The following PHF8 variants were observed in gnomAD, a reference collection of about 807,000 sequenced individuals.
PHF8 encodes histone lysine demethylase PHF8.
Under a neutral mutation model 74.4 loss-of-function variants are expected in PHF8, and 9 were observed. That is an observed-to-expected ratio of 0.12 (90% confidence interval 0.07 to 0.21). The LOEUF is 0.21. Among genes scored for constraint, PHF8 ranks in the 10% least tolerant of loss-of-function variants. The pLI is 1.00. For missense variants in PHF8, 478 were observed against 816.6 expected, an observed-to-expected ratio of 0.59 and a Z score of 5.05; for synonymous variants, 311 against 316.6, an observed-to-expected ratio of 0.98 and a Z score of 0.19.
At chrX:54,047,506 A>T (rs1557117644), upstream of PHF8, among the ~76,000 whole-genome samples, 1 of 111,987 alleles carries the variant, frequency 8.9e-6, no homozygotes. Flanking sequence ...TACCCCAGAT[A>T]AGGCCCTGGC....
chrX:53,985,285 G>A (rs953322321), intron 17 of PHF8, 58 bp from the exon 18 acceptor site: 21 of 960,883 alleles, frequency 2.2e-5, no homozygotes, highest in South Asian at 6.3e-5. Context: ...AGAGTAAATC[G>A]GTCATCAGAA....
intron 8 of PHF8, among the ~76,000 whole-genome samples, chrX:54,006,027 GT>G (rs1254635308): frequency 2.7e-5 from 3 of 112,259 alleles, no homozygotes; most frequent in Non-Finnish European, 5.6e-5. Flanking sequence ...TTGTGATACA[GT>G]TCTCAACATA....
chrX:53,999,952 T>G lies in PHF8; in HGVS notation c.1151A>C (p.Glu384Ala). The change falls in exon 11 of 22, where the codon GAG becomes GCG. Residue 384 changes from glutamate (E) to alanine (A), a missense_variant. Physicochemically the swap from Glu to Ala is moderately radical, Grantham distance 107 (BLOSUM62 -1). Transcript: ENST00000338154. ...GTAGGAGGCAGGGTGTCTCCTGTTC[T>G]CTCGCAAACCTAAAGGAGGAAAGAG... ...HILDIFRGLR[E>A]NRRHPASYLV... The G allele has an allele frequency of 8.4e-7, 1 of 1,183,539 alleles. No homozygotes were observed. The highest frequency in any genetic ancestry group is 1.8e-5 in the South Asian group (1 of 56,158).
chrX:54,038,154 CT>C (rs1319285136), intron 2 of PHF8, among the ~76,000 whole-genome samples: 1 of 112,282 alleles, frequency 8.9e-6, no homozygotes, highest in East Asian at 2.8e-4. Flanking sequence ...ATCAGGATCA[CT>C]TGTTTGTTAA....
intron 4 of PHF8, among the ~76,000 whole-genome samples, chrX:54,021,677 C>T (rs1453517410): frequency 9.3e-6 from 1 of 107,477 alleles, no homozygotes; most frequent in Non-Finnish European, 1.9e-5. Flanking sequence ...ACCGTTTTAG[C>T]CGGGATGGTC....
At chrX:53,954,890 G>C (rs1437237474) in intron 19 of PHF8, among the ~76,000 whole-genome samples, 4 of 111,070 alleles carry the variant, frequency 3.6e-5, no homozygotes, top group African/African-American at 1.3e-4. Flanking sequence ...AATTCCATTA[G>C]GATTTTGATT....
intron 20 of PHF8, among the ~76,000 whole-genome samples, chrX:53,941,534 C>A (rs904835225): frequency 9.9e-5 from 11 of 111,658 alleles, no homozygotes; most frequent in Non-Finnish European, 1.7e-4. Context: ...GCATCTGGAG[C>A]CCTGAGAACC....
intron 2 of PHF8, among the ~76,000 whole-genome samples, chrX:54,031,774 T>C (rs1339474325): frequency 5.4e-5 from 6 of 111,332 alleles, no homozygotes; most frequent in African/African-American, 2.0e-4. Context: ...CTTCTCATCA[T>C]CACTGACTCT....
At chrX:53,943,123 TTTAC>T (rs1330945750) in intron 20 of PHF8, 2 of 839,603 alleles carry the variant, frequency 2.4e-6, no homozygotes, top group East Asian at 5.2e-5. Flanking sequence ...TTTTCACAGC[TTTAC>T]TTAATTTATA....
At chrX:54,017,434 C>T (rs188347450) in intron 5 of PHF8, among the ~76,000 whole-genome samples, 2,299 of 111,948 alleles carry the variant, frequency 0.021, 22 homozygotes, top group Non-Finnish European at 0.03. Context: ...GGCAACAGGG[C>T]GAGACCCTGT....
At chrX:53,953,518 G>A (rs1557087667) in intron 19 of PHF8, among the ~76,000 whole-genome samples, 1 of 108,181 alleles carries the variant, frequency 9.2e-6, no homozygotes, top group Non-Finnish European at 1.9e-5. Flanking sequence ...GCAGGCACCT[G>A]TAATCCCAGC....
At chrX:54,027,226 A>C (rs1414904298) in intron 2 of PHF8, among the ~76,000 whole-genome samples, 2 of 111,115 alleles carry the variant, frequency 1.8e-5, no homozygotes, top group Non-Finnish European at 3.8e-5. Context: ...TAAAAAACCA[A>C]GACCTACCCG....
At position 53,936,753 on chromosome X, in the gene PHF8, CAACAT is replaced by C. The variant is rs2064675986; in HGVS notation, c.*2400_*2404del. 1 of 111,263 alleles carries C rather than the reference CAACAT, an allele frequency of 9.0e-6. No individual in the cohort carries two copies. The highest frequency in any genetic ancestry group is 1.9e-5 in the Non-Finnish European group (1 of 52,996). 9.2% of individuals were successfully genotyped at this position (111,263 alleles called of 1,213,427 possible). On this transcript the variant is annotated 3_prime_UTR_variant, in exon 22 of 22. Transcript: ENST00000338154. ...AAAAATATAAATTACATTAGTAACA[CAACAT>C]AAGAAAAAGACAGGGACAAAAACAA... is the stretch of plus-strand genomic sequence containing the variant.
In PHF8 at chrX:53,953,659, C is replaced by CGG. The variant is rs1557087763; in HGVS notation, c.2539+9183_2539+9184dup. On this transcript the variant is annotated intron_variant, in intron 19 of 21. Coordinates refer to ENST00000338154, the MANE Select transcript of PHF8 (RefSeq NM_015107.3). ...ACTCTGTCTCAAAAAAAAAAAAAAG[C>CGG]GGGGGGGGTCCTAGAAAATAGCTAT... Among the ~76,000 whole-genome samples the CGG allele has an allele frequency of 5.8e-5, 5 of 86,885 alleles. No individual in the cohort carries two copies. The South Asian group carries it at 1.4e-3, about 25-fold the overall frequency. The allele number at this position is 86,885 out of a possible 115,157, so 75.4% of individuals were successfully genotyped here.
intron 14 of PHF8, among the ~76,000 whole-genome samples, chrX:53,992,513 C>T (rs782558381): frequency 8.9e-6 from 1 of 111,894 alleles, no homozygotes; most frequent in South Asian, 3.8e-4. Context: ...AAATCTTTCT[C>T]AGGCTTGCCA....
chrX:54,045,791 A>C (rs2066628626), upstream of PHF8, among the ~76,000 whole-genome samples: 1 of 112,200 alleles, frequency 8.9e-6, no homozygotes, highest in African/African-American at 3.2e-5. Flanking sequence ...CAGAAGAGAG[A>C]TAGGTAGGAG....
rs782148257 is a variant in PHF8, at chrX:53,940,634, C to T, written c.2650-118G>A. 12 of 527,993 alleles carry T rather than the reference C, an allele frequency of 2.3e-5. No homozygotes were observed. The Admixed American group carries it at 3.2e-4, about 14-fold the overall frequency. 43.5% of individuals were successfully genotyped at this position (527,993 alleles called of 1,213,427 possible). A position where few individuals can be genotyped will look rare whatever the true frequency, so the allele number is the denominator to read the frequency against. On this transcript the variant is annotated intron_variant, in intron 20 of 21. Transcript: ENST00000338154. Reference sequence around the variant, plus strand: ...TGCAACCTGCCACCCTCTCCCTTACCTGCACCAAGTCTAGCCTGGATGTAC... The same window carrying T: ...TGCAACCTGCCACCCTCTCCCTTACTTGCACCAAGTCTAGCCTGGATGTAC...
At chrX:54,038,555 C>T (rs1245327640) in intron 2 of PHF8, among the ~76,000 whole-genome samples, 1 of 111,964 alleles carries the variant, frequency 8.9e-6, no homozygotes, top group Non-Finnish European at 1.9e-5. Flanking sequence ...CTGATACATG[C>T]TGAAGTTTGA....
At chrX:54,035,500 G>A (rs1557113832) in intron 2 of PHF8, among the ~76,000 whole-genome samples, 1 of 109,139 alleles carries the variant, frequency 9.2e-6, no homozygotes, top group East Asian at 2.9e-4. Context: ...AGATAACTCG[G>A]GCCAAGAGCA....
Sources: gnomAD v4.1 joint callset for allele counts (sites outside exome capture counted in the v4.1 genomes callset) on GRCh38, gnomAD v4.1.1 for gene constraint, MANE v1.5 for transcripts, NCBI Gene and HGNC (gene_info 2026-07-23, HGNC 2026-07-21) for gene names.